The following IGFBP7 variants were observed in gnomAD, a reference collection of about 807,000 sequenced individuals.
IGFBP7 encodes the protein insulin-like growth factor-binding protein 7.
IGFBP7 carries 31 observed loss-of-function variants against 29.4 expected under a neutral mutation model. The observed-to-expected ratio is 1.05, with a 90% CI of 0.79 to 1.42. The LOEUF is 1.42. Among genes scored for constraint, IGFBP7 ranks in the 40% most tolerant of loss-of-function variants. The pLI is 0.00. For missense variants in IGFBP7, 393 were observed against 395.5 expected (o/e 0.99, Z 0.05); for synonymous variants, 172 against 174.9 (o/e 0.98, Z 0.13).
At chr4:57,108,692 C>T (rs1463537497) in intron 1 of IGFBP7, among the ~76,000 whole-genome samples, 1 of 151,952 alleles carries the variant, frequency 6.6e-6, no homozygotes, top group African/African-American at 2.4e-5. Flanking sequence ...CAGGCATGCA[C>T]CACCATGCCC....
At chr4:57,055,839 T>C (rs577123859) in intron 1 of IGFBP7, among the ~76,000 whole-genome samples, 3 of 152,178 alleles carry the variant, frequency 2.0e-5, no homozygotes, top group Admixed American at 1.3e-4. Flanking sequence ...TCTGGTCCGA[T>C]TGCCTCTCTG....
intron 1 of IGFBP7, among the ~76,000 whole-genome samples, chr4:57,069,058 T>C (rs974607660): frequency 2.6e-5 from 4 of 151,944 alleles, no homozygotes; most frequent in African/African-American, 9.7e-5. Context: ...GAGGGTCTTA[T>C]GTGGGTGGTT....
At chr4:57,100,996 G>A (rs1407231974) in intron 1 of IGFBP7, among the ~76,000 whole-genome samples, 1 of 152,222 alleles carries the variant, frequency 6.6e-6, no homozygotes, top group African/African-American at 2.4e-5. Flanking sequence ...TTAGCAAACT[G>A]TCAAGTACTT....
intron 1 of IGFBP7, among the ~76,000 whole-genome samples, chr4:57,095,827 G>A (rs1329915415): frequency 1.3e-5 from 2 of 152,178 alleles, no homozygotes; most frequent in Non-Finnish European, 2.9e-5. Flanking sequence ...GCTGAGCAGA[G>A]CCGCCTCTCC....
At chr4:57,062,361 A>G (rs1043876676) in intron 1 of IGFBP7, among the ~76,000 whole-genome samples, 3 of 152,250 alleles carry the variant, frequency 2.0e-5, no homozygotes, top group Non-Finnish European at 4.4e-5. Flanking sequence ...ACAAGAAAGT[A>G]AAAGCATTAA....
At chr4:57,050,856 C>T (rs1724487966) in intron 1 of IGFBP7, among the ~76,000 whole-genome samples, 1 of 152,112 alleles carries the variant, frequency 6.6e-6, no homozygotes, top group African/African-American at 2.4e-5. Flanking sequence ...CTGTTCATGG[C>T]CTCTTGCTGA....
intron 1 of IGFBP7, among the ~76,000 whole-genome samples, chr4:57,106,056 G>A (rs925791971): frequency 1.3e-4 from 19 of 151,868 alleles, no homozygotes; most frequent in East Asian, 1.9e-4. Context: ...ACAGGTGCCC[G>A]CCACCACGCC....
chr4:57,065,614 C>G (rs1049621794), intron 1 of IGFBP7: 2 of 152,238 alleles, frequency 1.3e-5, no homozygotes, highest in Non-Finnish European at 2.9e-5. Flanking sequence ...GAGTTCCGAG[C>G]TAGCGTCCTG....
At chr4:57,087,781 C>T (rs1725532232) in intron 1 of IGFBP7, among the ~76,000 whole-genome samples, 1 of 152,166 alleles carries the variant, frequency 6.6e-6, no homozygotes, top group African/African-American at 2.4e-5. Flanking sequence ...TAATACAGGT[C>T]CTGCTTGCTC....
At chr4:57,039,346 G>A (rs994296104) in intron 2 of IGFBP7, among the ~76,000 whole-genome samples, 2 of 152,110 alleles carry the variant, frequency 1.3e-5, no homozygotes, top group African/African-American at 2.4e-5. Context: ...CTTTTATAAG[G>A]TAGAGAACAG....
At chr4:57,046,897 C>T (rs1386279973) in intron 1 of IGFBP7, among the ~76,000 whole-genome samples, 1 of 152,224 alleles carries the variant, frequency 6.6e-6, no homozygotes, top group African/African-American at 2.4e-5. Context: ...TTTTACCTTA[C>T]ACACTCAATT....
chr4:57,078,266 G>C (rs1713977), intron 1 of IGFBP7, among the ~76,000 whole-genome samples: 86,954 of 151,852 alleles, frequency 0.57, 25,635 homozygotes, highest in East Asian at 0.78. Flanking sequence ...TTACAGAGGA[G>C]GAAACTGAGA....
chr4:57,054,050 C>T (rs1462778882), intron 1 of IGFBP7, among the ~76,000 whole-genome samples: 1 of 151,998 alleles, frequency 6.6e-6, no homozygotes, highest in Non-Finnish European at 1.5e-5. Flanking sequence ...TTACATTGCC[C>T]AGGTTGGTCT....
At chr4:57,039,065 C>CAAAAAAAAAAA (rs71208974) in intron 2 of IGFBP7, among the ~76,000 whole-genome samples, 3 of 106,466 alleles carry the variant, frequency 2.8e-5, no homozygotes, top group Non-Finnish European at 3.7e-5. Flanking sequence ...AACTATGTCT[C>CAAAAAAAAAAA]AAAAAAAAAA....
chr4:57,105,907 A>ATTTTT (rs34995246), intron 1 of IGFBP7, among the ~76,000 whole-genome samples: 9 of 135,820 alleles, frequency 6.6e-5, no homozygotes, highest in Non-Finnish European at 9.2e-5. Flanking sequence ...CATTTTTTAA[A>ATTTTT]TTTTTTTTTT....
rs57704332 is a variant in IGFBP7 at position 57,084,788 on chromosome 4, G to GTTTTTTTTTTTTTT, written c.475+25075_475+25088dup. Among the ~76,000 whole-genome samples, 27 of 113,086 alleles carry GTTTTTTTTTTTTTT rather than the reference G, an allele frequency of 2.4e-4. 2 individuals carry two copies. Among genetic ancestry groups the GTTTTTTTTTTTTTT allele is most frequent in the African/African-American group, 7.9e-4 (23 of 29,134 alleles). The allele number at this position is 113,086 out of a possible 152,430, so 74.2% of individuals were successfully genotyped here. ...CTTTTTACTCAGATGTTTAAAAAAG[G>GTTTTTTTTTTTTTT]TTTTTTTTTTTTTTTTTTTTGGGAC... On this transcript the variant is annotated intron_variant, in intron 1 of 4. Coordinates refer to ENST00000295666, the MANE Select transcript of IGFBP7 (RefSeq NM_001553.3).
At chr4:57,058,420 A>T (rs940263625) in intron 1 of IGFBP7, among the ~76,000 whole-genome samples, 13 of 152,224 alleles carry the variant, frequency 8.5e-5, no homozygotes, top group African/African-American at 3.1e-4. Flanking sequence ...GATCAATGGA[A>T]TAGAGAGCCC....
chr4:57,072,926 A>G lies in IGFBP7; in HGVS notation c.476-31993T>C, dbSNP rs1015944756. 4 of 737,738 alleles carry G rather than the reference A, an allele frequency of 5.4e-6. No homozygotes were observed. The African/African-American group carries it at 7.0e-5, about 13-fold the overall frequency. The allele number at this position is 737,738 out of a possible 1,614,324, so 45.7% of individuals were successfully genotyped here. ...CCACCCCAACATGGACACCCAGGGT[A>G]ATATCTGCCTGGACATCCTGAAGGA... On this transcript the variant is annotated intron_variant, in intron 1 of 4. Coordinates refer to ENST00000295666, the MANE Select transcript of IGFBP7 (RefSeq NM_001553.3).
At chr4:57,047,317 C>T (rs548091337) in intron 1 of IGFBP7, among the ~76,000 whole-genome samples, 31 of 152,320 alleles carry the variant, frequency 2.0e-4, no homozygotes, top group East Asian at 5.8e-4. Flanking sequence ...GCTCCTCCTT[C>T]GCCTTCCACC....
Sources: allele counts gnomAD v4.1 joint callset (sites outside exome capture counted in the v4.1 genomes callset), GRCh38; gene constraint gnomAD v4.1.1; transcripts MANE v1.5; gene names NCBI Gene and HGNC (gene_info 2026-07-23, HGNC 2026-07-21).